ATAT1: variants seen among roughly 807,000 people sequenced by gnomAD.
ATAT1 encodes alpha tubulin acetyltransferase 1, also known as alpha-tubulin N-acetyltransferase 1.
A neutral mutation model predicts 57.2 loss-of-function variants in ATAT1; 42 were observed. That is an observed-to-expected ratio of 0.73 (90% CI 0.57 to 0.95). ATAT1 has a LOEUF of 0.95. ATAT1 is among the 40% of genes least tolerant of loss of function. The pLI is 0.00. For synonymous variants in ATAT1, 168 were observed against 187.1 expected (o/e 0.90, Z 0.83); for missense variants, 454 against 523.7 (o/e 0.87, Z 1.30).
chr6:30,628,320 T>A lies in ATAT1; in HGVS notation c.400-9T>A. ...CTTCCTCCTACCCTGAGTCTCCTTT[T>A]CCCTGCAGAAGGAGCGAGTGGAACC... On this transcript the variant is annotated splice_polypyrimidine_tract_variant and intron_variant, in intron 5 of 12. Transcript: ENST00000330083. 6.2e-7 allele frequency: 1 copy of A among 1,612,412 alleles called. No homozygotes were observed. Among genetic ancestry groups the A allele is most frequent in the African/African-American group, 1.3e-5 (1 of 74,968 alleles).
Position 30,643,029 on chromosome 6 carries a change from G to C in ATAT1, c.932+18G>C. On this transcript the variant is annotated intron_variant, in intron 10 of 12. Transcript: ENST00000330083. ...CGCACCAGGTAATAGGAGTTGAAGGGCTAAGGAGCCTCACAGCTATAAAAG... is the reference window on the plus strand; with the variant it reads ...CGCACCAGGTAATAGGAGTTGAAGGCCTAAGGAGCCTCACAGCTATAAAAG... The C allele has an allele frequency of 6.3e-7, 1 of 1,594,194 alleles. No homozygotes were observed. Among genetic ancestry groups the C allele is most frequent in the Non-Finnish European group, 8.6e-7 (1 of 1,169,096 alleles).
Position 30,642,833 on chromosome 6 carries a change from G to GGGGGGCCACCCCCCCCCCCCCCCCCCCCC in ATAT1, c.754_755insGGGGGCCACCCCCCCCCCCCCCCCCCCCC (p.Ala252GlyfsTer77). ...GGCCCCTCGCCGCGCCACACCTCCA[G>GGGGGGCCACCCCCCCCCCCCCCCCCCCCC]CCCACCCACCCCCCCGCTCCAGCAG... On this transcript the variant is annotated frameshift_variant, in exon 10 of 13. Transcript: ENST00000330083. LOFTEE classifies it high-confidence loss of function. The GGGGGGCCACCCCCCCCCCCCCCCCCCCCC allele has an allele frequency of 6.5e-7, 1 of 1,537,878 alleles. No individual in the cohort carries two copies. The highest frequency in any genetic ancestry group is 8.7e-7 in the Non-Finnish European group (1 of 1,145,784).
chr6:30,638,489 C>T (rs1288447233), intron 6 of ATAT1, among the ~76,000 whole-genome samples: 7 of 151,906 alleles, frequency 4.6e-5, no homozygotes, highest in Non-Finnish European at 8.8e-5. Context: ...GACAGGGTCT[C>T]GAACTCCTGA....
Position 30,646,733 on chromosome 6 carries a change from T to G in ATAT1, c.*90T>G. On this transcript the variant is annotated 3_prime_UTR_variant, in exon 13 of 13. Coordinates refer to ENST00000330083, the MANE Select transcript of ATAT1 (RefSeq NM_001031722.4). ...CAACCCTCATAATAGATGGATACAT[T>G]CATTCATTCATTCATTCAGCAGGCT... The G allele has an allele frequency of 7.5e-7, 1 of 1,327,130 alleles. No homozygotes were observed. The highest frequency in any genetic ancestry group is 9.9e-7 in the Non-Finnish European group (1 of 1,007,466). The allele number at this position is 1,327,130 out of a possible 1,614,324, so 82.2% of individuals were successfully genotyped here. A position where few individuals can be genotyped will look rare whatever the true frequency, so the allele number is the denominator to read the frequency against.
At position 30,646,551 on chromosome 6, in the gene ATAT1, C is replaced by A. The variant is rs1420947920; in HGVS notation, c.1138C>A (p.Pro380Thr). ...CACAGCTCCTCCACAGGCCCCGGCC[C>A]CGCCAGCCCAGTCCTGGACAGTGGG... The change falls in exon 13 of 13, where the codon CCG (proline) becomes ACG (threonine). Residue 380 changes from proline to threonine, a missense_variant. This residue lies in a region of ATAT1 where 216 missense variants were observed against 222.2 expected (regional missense o/e 0.97). Transcript: ENST00000330083. The A allele has an allele frequency of 6.3e-7, 1 of 1,587,484 alleles. No homozygotes were observed. Among genetic ancestry groups the A allele is most frequent in the East Asian group, 2.3e-5 (1 of 43,588 alleles).
Position 30,627,292 on chromosome 6 carries a change from G to A in ATAT1, c.71+18G>A, listed in dbSNP as rs777725791. On this transcript the variant is annotated intron_variant, in intron 1 of 12. Coordinates refer to ENST00000330083, the MANE Select transcript of ATAT1 (RefSeq NM_001031722.4). ...CTTGAAAGGTGTGACAGAAGTTTGG[G>A]TTTCAGAAGGGTGGGGTGGGAAATC... 2.8e-5 allele frequency: 45 copies of A among 1,613,652 alleles called. 1 individual carries two copies. In the South Asian group the frequency reaches 4.0e-4, roughly 14 times the overall value.
intron 6 of ATAT1, 77 bp downstream of exon 6, chr6:30,628,507 G>A: frequency 8.2e-7 from 1 of 1,214,714 alleles, no homozygotes; most frequent in Non-Finnish European, 1.2e-6. Context: ...AAGAAGTAGT[G>A]ACTTATTTCC....
chr6:30,636,665 A>T (rs1335606149), intron 6 of ATAT1, among the ~76,000 whole-genome samples: 1 of 151,502 alleles, frequency 6.6e-6, no homozygotes, highest in Admixed American at 6.6e-5. Context: ...AGTGCTGGGC[A>T]TGTGCTTGTT....
At chr6:30,634,724 C>T (rs1429363142) in intron 6 of ATAT1, among the ~76,000 whole-genome samples, 12 of 144,642 alleles carry the variant, frequency 8.3e-5, no homozygotes, top group African/African-American at 2.5e-4. Context: ...CGCGGTGGCT[C>T]GCGCCTGTAA....
intron 6 of ATAT1, among the ~76,000 whole-genome samples, chr6:30,630,984 C>G (rs1762746469): frequency 6.6e-6 from 1 of 151,648 alleles, no homozygotes; most frequent in Non-Finnish European, 1.5e-5. Flanking sequence ...GACAAAAGTC[C>G]CTGTCTTAGT....
intron 6 of ATAT1, among the ~76,000 whole-genome samples, chr6:30,638,422 A>G (rs1221418289): frequency 6.6e-6 from 1 of 151,866 alleles, no homozygotes; most frequent in Non-Finnish European, 1.5e-5. Context: ...CCTCCTGAGT[A>G]GCTAGGATTA....
At chr6:30,646,342 A>G in intron 12 of ATAT1, 127 bp from the exon 13 acceptor site, 23 of 1,447,494 alleles carry the variant, frequency 1.6e-5, no homozygotes, top group Non-Finnish European at 2.1e-5. Context: ...ACATAGCACT[A>G]ATGGTTCCAG....
At chr6:30,644,125 T>C (rs1234461111) in intron 10 of ATAT1, 10 of 985,960 alleles carry the variant, frequency 1.0e-5, no homozygotes, top group African/African-American at 1.7e-5. Context: ...CCCAAAGGGA[T>C]CTACTCACCA....
At chr6:30,642,648 A>AG in intron 9 of ATAT1, 120 bp from the exon 10 acceptor site, 2 of 753,072 alleles carry the variant, frequency 2.7e-6, no homozygotes, top group South Asian at 3.6e-5. Context: ...GTCTCAAAAA[A>AG]GAAAAAAAAA....
intron 8 of ATAT1, among the ~76,000 whole-genome samples, chr6:30,641,573 A>G (rs1765457893): frequency 6.6e-6 from 1 of 151,988 alleles, no homozygotes; most frequent in Non-Finnish European, 1.5e-5. Context: ...GAGGAGGGGG[A>G]GGCTGAACTT....
Position 30,626,955 on chromosome 6 carries a change from C to T in ATAT1, c.-249C>T, listed in dbSNP as rs772639514. 6.2e-7 allele frequency: 1 copy of T among 1,606,858 alleles called. No individual in the cohort carries two copies. Among genetic ancestry groups the T allele is most frequent in the South Asian group, 1.1e-5 (1 of 90,004 alleles). Reference sequence around the variant, plus strand: ...CACGGTGCTGGACCAGCACCTGAGGCCCCCAGCCCGCCGACCCGGAACCAC... The same window carrying T: ...CACGGTGCTGGACCAGCACCTGAGGTCCCCAGCCCGCCGACCCGGAACCAC... On this transcript the variant is annotated 5_prime_UTR_variant, in exon 1 of 13. Transcript: ENST00000330083.
chr6:30,642,833 G>GGGGGGGCGGCCCC lies in ATAT1; in HGVS notation c.754_755insGGGGGGCGGCCCC (p.Ala252GlyfsTer52). 1 of 1,537,876 alleles carries GGGGGGGCGGCCCC rather than the reference G, an allele frequency of 6.5e-7. No homozygotes were observed. Among genetic ancestry groups the GGGGGGGCGGCCCC allele is most frequent in the Non-Finnish European group, 8.7e-7 (1 of 1,145,782 alleles). On this transcript the variant is annotated frameshift_variant, in exon 10 of 13. Transcript: ENST00000330083. LOFTEE classifies it high-confidence loss of function. Reference sequence around the variant, plus strand: ...GGCCCCTCGCCGCGCCACACCTCCAGCCCACCCACCCCCCCGCTCCAGCAG... The same window carrying GGGGGGGCGGCCCC: ...GGCCCCTCGCCGCGCCACACCTCCAGGGGGGGCGGCCCCCCCACCCACCCCCCCGCTCCAGCAG...
chr6:30,643,396 C>G, intron 10 of ATAT1: 1 of 1,481,476 alleles, frequency 6.8e-7, no homozygotes, highest in South Asian at 1.4e-5. Flanking sequence ...AAGAGTCCAT[C>G]GCAGCAGGCA....
chr6:30,640,728 G>C, intron 8 of ATAT1, 125 bp downstream of exon 8: 1 of 1,093,242 alleles, frequency 9.1e-7, no homozygotes, highest in Non-Finnish European at 1.3e-6. Context: ...GTCTCCAGCA[G>C]TCATGACTGT....
Sources: gnomAD v4.1 joint callset for allele counts (sites outside exome capture counted in the v4.1 genomes callset) on GRCh38, gnomAD v4.1.1 for gene constraint, gnomAD v4.1.1 regional missense constraint, MANE v1.5 for transcripts, NCBI Gene and HGNC (gene_info 2026-07-23, HGNC 2026-07-21) for gene names.